KCTD3: variants seen among roughly 807,000 people sequenced by gnomAD.
KCTD3 encodes BTB/POZ domain-containing protein KCTD3.
KCTD3 carries 41 observed loss-of-function variants against 85.8 expected under a neutral mutation model. The ratio of observed to expected loss-of-function variants is 0.48; its 90% confidence interval spans 0.37 to 0.62. The LOEUF is 0.62. KCTD3 is among the 20% of genes least tolerant of loss of function. The pLI is 0.00. For missense variants in KCTD3, 724 were observed against 989.9 expected (o/e 0.73, Z 3.60); for synonymous variants, 338 against 345.4 (o/e 0.98, Z 0.24).
intron 14 of KCTD3, among the ~76,000 whole-genome samples, chr1:215,608,513 C>T (rs1474608388): frequency 6.6e-6 from 1 of 151,684 alleles, no homozygotes; most frequent in Non-Finnish European, 1.5e-5. Flanking sequence ...TGTTAATCTA[C>T]TGAAAATAAA....
intron 15 of KCTD3, among the ~76,000 whole-genome samples, chr1:215,612,168 A>C (rs1655257543): frequency 6.6e-6 from 1 of 152,186 alleles, no homozygotes; most frequent in Non-Finnish European, 1.5e-5. Flanking sequence ...GAACACAGTG[A>C]ACTTTTTTTC....
rs555031969 is a variant in KCTD3, at chr1:215,600,732, G to C, written c.934-1135G>C. ...GAAAGCCAGGTATAGTATATGAAAAGTAAAAGTCCCTTAACATTTTTAACT... is the reference window on the plus strand; with the variant it reads ...GAAAGCCAGGTATAGTATATGAAAACTAAAAGTCCCTTAACATTTTTAACT... On this transcript the variant is annotated intron_variant, in intron 10 of 17. Coordinates refer to ENST00000259154, the MANE Select transcript of KCTD3 (RefSeq NM_016121.5). 6.6e-5 allele frequency among the ~76,000 whole-genome samples: 10 copies of C among 152,256 alleles called. No homozygotes were observed. The South Asian group carries it at 2.1e-3, about 32-fold the overall frequency.
chr1:215,581,809 T>C (rs925331507), intron 8 of KCTD3, among the ~76,000 whole-genome samples: 3 of 152,196 alleles, frequency 2.0e-5, no homozygotes, highest in Non-Finnish European at 2.9e-5. Context: ...TTCAACACAA[T>C]GGCAATAAAA....
chr1:215,593,468 G>A (rs1251460101), intron 9 of KCTD3, among the ~76,000 whole-genome samples: 1 of 152,172 alleles, frequency 6.6e-6, no homozygotes, highest in Admixed American at 6.5e-5. Context: ...AGTTTTCAAG[G>A]TGTTGTTTGT....
At chr1:215,581,586 G>A (rs1469862575) in intron 8 of KCTD3, among the ~76,000 whole-genome samples, 1 of 152,146 alleles carries the variant, frequency 6.6e-6, no homozygotes, top group African/African-American at 2.4e-5. Context: ...CTCTTTTCCA[G>A]AACCACCACA....
chr1:215,594,432 C>G (rs918774299), intron 9 of KCTD3, among the ~76,000 whole-genome samples: 4 of 152,170 alleles, frequency 2.6e-5, no homozygotes, highest in African/African-American at 2.4e-5. Context: ...TACAACCTCT[C>G]TCACCTACAC....
In KCTD3 at chr1:215,567,558, C is replaced by G. The variant is rs928004460; in HGVS notation, c.-128C>G. 6 of 389,814 alleles carry G rather than the reference C, an allele frequency of 1.5e-5. No homozygotes were observed. Among genetic ancestry groups the G allele is most frequent in the African/African-American group, 8.5e-5 (4 of 47,246 alleles). The allele number at this position is 389,814 out of a possible 1,614,324, so 24.1% of individuals were successfully genotyped here. Reference sequence around the variant, plus strand: ...GGGAAGGTGGGGGAAGCCCCGTGCACCCCCCGCCCTCCGGCCGCCGCCGCC... The same window carrying G: ...GGGAAGGTGGGGGAAGCCCCGTGCAGCCCCCGCCCTCCGGCCGCCGCCGCC... On this transcript the variant is annotated 5_prime_UTR_variant, in exon 1 of 18. Transcript: ENST00000259154.
chr1:215,608,232 A>T, intron 14 of KCTD3, 60 bp downstream of exon 14: 2 of 1,108,408 alleles, frequency 1.8e-6, no homozygotes, highest in Non-Finnish European at 2.5e-6. Context: ...GAAGAAGCAT[A>T]TCAACTAATA....
chr1:215,614,018 GTTTTTTTTTTTTTTTT>G (rs577770912), intron 15 of KCTD3, among the ~76,000 whole-genome samples: 6 of 66,290 alleles, frequency 9.1e-5, no homozygotes, highest in Admixed American at 1.5e-4. Flanking sequence ...CTTTAGAATA[GTTTTTTTTTTTTTTTT>G]TTTTTTTTTT....
chr1:215,603,231 G>A (rs183426715), intron 12 of KCTD3, among the ~76,000 whole-genome samples: 3 of 152,054 alleles, frequency 2.0e-5, no homozygotes, highest in African/African-American at 7.2e-5. Context: ...GTAGTGGCAG[G>A]GGGATTTTAA....
chr1:215,583,134 T>C (rs959485153), intron 8 of KCTD3, among the ~76,000 whole-genome samples: 1 of 152,032 alleles, frequency 6.6e-6, no homozygotes, highest in Admixed American at 6.5e-5. Flanking sequence ...TTTTTTTAAG[T>C]GAATCCAAGT....
chr1:215,607,992 C>A (rs984200656), intron 13 of KCTD3, 25 bp from the exon 14 acceptor site: 3 of 1,573,334 alleles, frequency 1.9e-6, no homozygotes, highest in African/African-American at 1.4e-5. Flanking sequence ...ATTTTGTATT[C>A]TTTTGTGTTC....
At chr1:215,585,702 A>AT in intron 8 of KCTD3, among the ~76,000 whole-genome samples, 1 of 152,352 alleles carries the variant, frequency 6.6e-6, no homozygotes, top group Non-Finnish European at 1.5e-5. Context: ...AGGCTGCTAT[A>AT]CATATAATCG....
chr1:215,604,987 A>G (rs537627762), intron 13 of KCTD3, among the ~76,000 whole-genome samples: 5 of 152,324 alleles, frequency 3.3e-5, no homozygotes, highest in Admixed American at 3.3e-4. Flanking sequence ...AACGAATAGT[A>G]CTTTCTGATT....
intron 3 of KCTD3, 61 bp downstream of exon 3, chr1:215,574,179 C>T (rs762821763): frequency 6.4e-6 from 6 of 938,400 alleles, no homozygotes; most frequent in Non-Finnish European, 9.9e-6. Flanking sequence ...TTGGTCCTAA[C>T]ATATAGTTAC....
intron 10 of KCTD3, among the ~76,000 whole-genome samples, chr1:215,598,456 G>A (rs931897665): frequency 6.6e-6 from 1 of 152,156 alleles, no homozygotes; most frequent in Admixed American, 6.5e-5. Flanking sequence ...TATGACACCA[G>A]TTAGAACACT....
chr1:215,600,873 A>T (rs960744138), intron 10 of KCTD3, among the ~76,000 whole-genome samples: 8 of 152,114 alleles, frequency 5.3e-5, no homozygotes, highest in African/African-American at 1.9e-4. Context: ...AACAGGGAAG[A>T]TTCATTTTGA....
intron 14 of KCTD3, among the ~76,000 whole-genome samples, chr1:215,609,006 A>T (rs1033264310): frequency 1.3e-5 from 2 of 152,002 alleles, no homozygotes; most frequent in African/African-American, 4.8e-5. Context: ...GGTGAACATC[A>T]ACTTACAATG....
intron 8 of KCTD3, among the ~76,000 whole-genome samples, chr1:215,582,196 T>G (rs1453681620): frequency 6.6e-6 from 1 of 152,258 alleles, no homozygotes; most frequent in Non-Finnish European, 1.5e-5. Context: ...TTCTGACAAT[T>G]TATTACGTAA....
Sources: gnomAD v4.1 joint callset for allele counts (sites outside exome capture counted in the v4.1 genomes callset) on GRCh38, gnomAD v4.1.1 for gene constraint, MANE v1.5 for transcripts, NCBI Gene and HGNC (gene_info 2026-07-23, HGNC 2026-07-21) for gene names.